Variants in DACH2 observed in about 807,000 individuals in gnomAD.
The protein encoded by DACH2 is dachshund family transcription factor 2.
DACH2 carries 17 observed loss-of-function variants against 35.8 expected under a neutral mutation model. The observed-to-expected ratio is 0.48, with a 90% CI of 0.33 to 0.71. The LOEUF is 0.71. Among genes scored for constraint, DACH2 ranks in the 30% least tolerant of loss-of-function variants. DACH2 has a pLI of 0.02. For synonymous variants in DACH2, 195 were observed against 177.3 expected (o/e 1.10, Z -0.79); for missense variants, 469 against 472.7 (o/e 0.99, Z 0.07).
At chrX:86,306,549 G>A (rs1051117819) in intron 1 of DACH2, among the ~76,000 whole-genome samples, 4 of 111,568 alleles carry the variant, frequency 3.6e-5, no homozygotes, top group East Asian at 5.6e-4. Context: ...AATCTGGTGG[G>A]CAAAATCTAA....
At chrX:86,251,428 T>C (rs1423279711) in intron 1 of DACH2, among the ~76,000 whole-genome samples, 4 of 110,783 alleles carry the variant, frequency 3.6e-5, no homozygotes, top group Non-Finnish European at 7.6e-5. Context: ...GAGATTTTGG[T>C]GCACCCATCA....
chrX:86,262,634 T>C (rs2033647011), intron 1 of DACH2, among the ~76,000 whole-genome samples: 1 of 83,758 alleles, frequency 1.2e-5, no homozygotes, highest in Admixed American at 1.3e-4. Context: ...GATAGAATAA[T>C]CTGCTCCAAA....
intron 3 of DACH2, among the ~76,000 whole-genome samples, chrX:86,525,603 T>C (rs1265650680): frequency 3.6e-5 from 4 of 111,658 alleles, no homozygotes; most frequent in African/African-American, 1.3e-4. Context: ...GGCTAATGAA[T>C]TAATATGATT....
chrX:86,459,605 T>C (rs776426044), intron 2 of DACH2, among the ~76,000 whole-genome samples: 2 of 111,835 alleles, frequency 1.8e-5, no homozygotes, highest in East Asian at 5.6e-4. Flanking sequence ...TTCTTATTTC[T>C]TCTTTGTCAC....
chrX:86,768,804 CCT>C (rs2041960161), intron 7 of DACH2, among the ~76,000 whole-genome samples: 1 of 110,815 alleles, frequency 9.0e-6, no homozygotes, highest in Admixed American at 9.7e-5. Flanking sequence ...CTATACTTCC[CCT>C]GTTTTGGAGT....
At chrX:86,675,799 T>C (rs955796667) in intron 4 of DACH2, among the ~76,000 whole-genome samples, 12 of 111,898 alleles carry the variant, frequency 1.1e-4, no homozygotes, top group African/African-American at 3.9e-4. Context: ...AGAACATATT[T>C]ACAGATAAAC....
At chrX:86,240,861 G>T (rs1010862738) in intron 1 of DACH2, among the ~76,000 whole-genome samples, 11 of 110,803 alleles carry the variant, frequency 9.9e-5, no homozygotes, top group African/African-American at 3.6e-4. Context: ...TTCTCTTTCT[G>T]TCTCTCTCCT....
rs1459017598 is a variant in DACH2, at chrX:86,160,576, G to A, written c.488+11468G>A. 3 of 504,609 alleles carry A rather than the reference G, an allele frequency of 5.9e-6. No individual in the cohort carries two copies. In the Admixed American group the frequency reaches 7.5e-5, roughly 13 times the overall value. 41.6% of individuals were successfully genotyped at this position (504,609 alleles called of 1,213,427 possible). On this transcript the variant is annotated intron_variant, in intron 1 of 11. Coordinates refer to ENST00000373125, the MANE Select transcript of DACH2 (RefSeq NM_053281.3). The stretch of plus-strand genomic sequence containing the variant: ...AGCCAGCACTGATTTGGCCTGGATG[G>A]TTCAGGATGATCACCTGAGCAGTGA...
At chrX:86,254,777 A>ATAT (rs1556004208) in intron 1 of DACH2, among the ~76,000 whole-genome samples, 2 of 14,234 alleles carry the variant, frequency 1.4e-4, no homozygotes, top group Admixed American at 1.6e-3. Context: ...TATTCAAATA[A>ATAT]ATAAATATAT....
At chrX:86,149,249 G>C in intron 1 of DACH2, 141 bp downstream of exon 1, 1 of 750,743 alleles carries the variant, frequency 1.3e-6, no homozygotes. Context: ...AATCGGTGGG[G>C]AAAGAGGACT....
intron 1 of DACH2, among the ~76,000 whole-genome samples, chrX:86,293,388 CAA>C (rs1175072011): frequency 3.7e-5 from 4 of 108,764 alleles, no homozygotes; most frequent in Non-Finnish European, 7.6e-5. Flanking sequence ...ATTTGCCAGT[CAA>C]TGCCTTTTAA....
chrX:86,274,444 T>C (rs1343594556), intron 1 of DACH2, among the ~76,000 whole-genome samples: 1 of 94,710 alleles, frequency 1.1e-5, no homozygotes, highest in East Asian at 3.3e-4. Flanking sequence ...GCTAATAACA[T>C]TAAATCCTTT....
chrX:86,607,592 TTTA>T (rs1010742233), intron 3 of DACH2, among the ~76,000 whole-genome samples: 34 of 110,367 alleles, frequency 3.1e-4, no homozygotes, highest in African/African-American at 6.9e-4. Context: ...GGTATTGTTT[TTTA>T]TTATTATTAT....
At chrX:86,535,157 A>T (rs2038779735) in intron 3 of DACH2, among the ~76,000 whole-genome samples, 1 of 111,535 alleles carries the variant, frequency 9.0e-6, no homozygotes, top group South Asian at 3.7e-4. Flanking sequence ...AGAAGTCATA[A>T]TTTCATTTTT....
intron 1 of DACH2, among the ~76,000 whole-genome samples, chrX:86,355,007 T>A (rs2035619684): frequency 8.9e-6 from 1 of 112,160 alleles, no homozygotes; most frequent in Non-Finnish European, 1.9e-5. Flanking sequence ...ACAGTTATTT[T>A]GTCACCTAGG....
At chrX:86,667,009 G>A (rs748012044) in intron 4 of DACH2, among the ~76,000 whole-genome samples, 44 of 104,274 alleles carry the variant, frequency 4.2e-4, no homozygotes, top group Admixed American at 7.4e-4. Context: ...ACTTTGGGAG[G>A]CTGAGGCAGG....
At chrX:86,363,780 C>G (rs1208179518) in intron 1 of DACH2, among the ~76,000 whole-genome samples, 1 of 111,212 alleles carries the variant, frequency 9.0e-6, no homozygotes, top group Non-Finnish European at 1.9e-5. Context: ...GGTTTACATT[C>G]TATGTACATA....
chrX:86,631,410 G>A (rs1219728804), intron 3 of DACH2, among the ~76,000 whole-genome samples: 2 of 111,813 alleles, frequency 1.8e-5, no homozygotes, highest in Admixed American at 1.9e-4. Context: ...CATACCACCA[G>A]CTGTTTTATT....
chrX:86,291,594 A>T lies in DACH2; in HGVS notation c.489-85230A>T, dbSNP rs773881357. Reference sequence around the variant, plus strand: ...GATAGCTCTTATTATTTTGAGATACATCCCATCAATACCTAATTTATTGAG... The same window carrying T: ...GATAGCTCTTATTATTTTGAGATACTTCCCATCAATACCTAATTTATTGAG... On this transcript the variant is annotated intron_variant, in intron 1 of 11. Transcript: ENST00000373125. Among the ~76,000 whole-genome samples the T allele has an allele frequency of 4.6e-5, 5 of 108,918 alleles. No homozygotes were observed. In the South Asian group the frequency reaches 2.0e-3, roughly 44 times the overall value. The allele number at this position is 108,918 out of a possible 115,157, so 94.6% of individuals were successfully genotyped here. A position where few individuals can be genotyped will look rare whatever the true frequency, so the allele number is the denominator to read the frequency against.
Sources: allele counts gnomAD v4.1 joint callset (sites outside exome capture counted in the v4.1 genomes callset), GRCh38; gene constraint gnomAD v4.1.1; transcripts MANE v1.5; gene names NCBI Gene and HGNC (gene_info 2026-07-23, HGNC 2026-07-21).